The following PTCHD4 variants were observed in gnomAD, a reference collection of about 807,000 sequenced individuals.
The protein encoded by PTCHD4 is patched domain containing 4, also known as patched domain-containing protein 4.
A neutral mutation model predicts 58.1 loss-of-function variants in PTCHD4; 33 were observed. That is an observed-to-expected ratio of 0.57 (90% CI 0.43 to 0.76). The LOEUF (loss-of-function observed/expected upper bound fraction) is 0.76. Ranked by LOEUF, PTCHD4 falls within the 30% of genes least tolerant of loss-of-function variation. The pLI is 0.00. For missense variants in PTCHD4, 1,058 were observed against 1,027.1 expected, an observed-to-expected ratio of 1.03 and a Z score of -0.41; for synonymous variants, 478 against 409.6, an observed-to-expected ratio of 1.17 and a Z score of -2.02.
intron 4 of PTCHD4, among the ~76,000 whole-genome samples, chr6:47,930,402 A>G (rs1469226705): frequency 6.6e-6 from 1 of 152,198 alleles, no homozygotes; most frequent in Non-Finnish European, 1.5e-5. Flanking sequence ...TAAATTCCCA[A>G]AATAAAGTTC....
intron 4 of PTCHD4, among the ~76,000 whole-genome samples, chr6:47,938,186 G>A (rs1766079953): frequency 6.6e-6 from 1 of 152,052 alleles, no homozygotes. Flanking sequence ...ATTTCAGAGA[G>A]GAGGGACTGA....
At chr6:47,912,398 A>G (rs1057494306) in intron 4 of PTCHD4, among the ~76,000 whole-genome samples, 2 of 151,994 alleles carry the variant, frequency 1.3e-5, no homozygotes, top group Non-Finnish European at 2.9e-5. Context: ...TGACATTTTG[A>G]GTAGGAGAAT....
intron 4 of PTCHD4, among the ~76,000 whole-genome samples, chr6:47,992,018 A>G (rs1768297353): frequency 6.6e-6 from 1 of 152,120 alleles, no homozygotes; most frequent in African/African-American, 2.4e-5. Context: ...TTTCTCCACT[A>G]AGAGATAAAA....
intron 4 of PTCHD4, among the ~76,000 whole-genome samples, chr6:47,986,738 A>C (rs938796678): frequency 6.6e-6 from 1 of 152,202 alleles, no homozygotes; most frequent in Admixed American, 6.5e-5. Flanking sequence ...ATATTTTTGA[A>C]CAGTAAATTG....
chr6:48,045,880 G>A (rs1380693193), intron 3 of PTCHD4, among the ~76,000 whole-genome samples: 1 of 151,378 alleles, frequency 6.6e-6, no homozygotes, highest in African/African-American at 2.4e-5. Flanking sequence ...GTATATAAGG[G>A]ATCCTCACTG....
intron 4 of PTCHD4, among the ~76,000 whole-genome samples, chr6:47,880,340 T>C (rs1335577494): frequency 3.9e-5 from 6 of 152,202 alleles, no homozygotes; most frequent in African/African-American, 9.6e-5. Context: ...GGTTAACTGA[T>C]TCATTGACTG....
chr6:48,047,644 G>T (rs1764083215), intron 3 of PTCHD4, among the ~76,000 whole-genome samples: 1 of 151,706 alleles, frequency 6.6e-6, no homozygotes, highest in Non-Finnish European at 1.5e-5. Context: ...TTTGAAGGTG[G>T]GGCCTTTGGG....
rs1352365770 is a variant in PTCHD4, at chr6:47,873,062, G to A, written c.*5241C>T. Among the ~76,000 whole-genome samples, 1 of 151,632 alleles carries A rather than the reference G, an allele frequency of 6.6e-6. No individual in the cohort carries two copies. Among genetic ancestry groups the A allele is most frequent in the Non-Finnish European group, 1.5e-5 (1 of 67,740 alleles). ...CTTACTTTAAGCTTCTTTACAAAGA[G>A]TCTCCCTAGCTTTTCACTTTCACTA... On this transcript the variant is annotated 3_prime_UTR_variant, in exon 5 of 5. Transcript: ENST00000339488.
chr6:48,075,534 A>C, intron 1 of PTCHD4, among the ~76,000 whole-genome samples: 1 of 151,770 alleles, frequency 6.6e-6, no homozygotes, highest in Non-Finnish European at 1.5e-5. Context: ...TAAACCTTAG[A>C]TTCATATGTA....
chr6:47,884,149 C>T (rs1764109534), intron 4 of PTCHD4, among the ~76,000 whole-genome samples: 1 of 151,738 alleles, frequency 6.6e-6, no homozygotes, highest in Non-Finnish European at 1.5e-5. Flanking sequence ...TGTATCTACC[C>T]ATCTGTTCAG....
chr6:48,107,495 C>T (rs1234134517), intron 1 of PTCHD4, among the ~76,000 whole-genome samples: 1 of 152,084 alleles, frequency 6.6e-6, no homozygotes, highest in Admixed American at 6.6e-5. Flanking sequence ...ACCATAAAAA[C>T]CCTAGAAGAA....
chr6:47,875,551 G>A lies in PTCHD4; in HGVS notation c.*2752C>T, dbSNP rs12664841. The stretch of plus-strand genomic sequence containing the variant: ...TCCATTTCAGTAAATTATTGCTACA[G>A]TTCTCTAAAGAGTACTACGGTGTCC... On this transcript the variant is annotated 3_prime_UTR_variant, in exon 5 of 5. Transcript: ENST00000339488. 0.52 allele frequency among the ~76,000 whole-genome samples: 78,178 copies of A among 151,516 alleles called. 20,758 individuals carry two copies. Among genetic ancestry groups the A allele is most frequent in the East Asian group, 0.75 (3,829 of 5,114 alleles).
chr6:48,108,344 C>A (rs1254050945), intron 1 of PTCHD4, among the ~76,000 whole-genome samples: 2 of 151,882 alleles, frequency 1.3e-5, no homozygotes, highest in African/African-American at 2.4e-5. Context: ...AGCAAACTAT[C>A]GCAAGGACAA....
intron 3 of PTCHD4, among the ~76,000 whole-genome samples, chr6:48,038,364 G>T (rs1447898782): frequency 6.6e-6 from 1 of 152,036 alleles, no homozygotes; most frequent in Non-Finnish European, 1.5e-5. Flanking sequence ...TCTAGAGGCT[G>T]CATGTGGCAG....
chr6:48,022,539 A>G (rs1476758024), intron 3 of PTCHD4, among the ~76,000 whole-genome samples: 2 of 152,134 alleles, frequency 1.3e-5, no homozygotes, highest in African/African-American at 4.8e-5. Flanking sequence ...TAATAAAGCC[A>G]AGAAAGTAAG....
At chr6:47,928,209 TA>T (rs1023845766) in intron 4 of PTCHD4, among the ~76,000 whole-genome samples, 1 of 152,070 alleles carries the variant, frequency 6.6e-6, no homozygotes, top group African/African-American at 2.4e-5. Context: ...CCTAAGGCAG[TA>T]AAAAAAGCCT....
intron 4 of PTCHD4, among the ~76,000 whole-genome samples, chr6:47,934,117 G>C (rs956965924): frequency 4.5e-4 from 68 of 152,176 alleles, no homozygotes; most frequent in African/African-American, 1.6e-3. Flanking sequence ...CAGGTGGGAG[G>C]GGGTCCCAGG....
chr6:48,029,342 T>C (rs1166683084), intron 3 of PTCHD4, among the ~76,000 whole-genome samples: 1 of 152,046 alleles, frequency 6.6e-6, no homozygotes. Flanking sequence ...GACAAATCTC[T>C]GATAACATTG....
At chr6:48,059,268 C>T (rs1477166874) in intron 3 of PTCHD4, among the ~76,000 whole-genome samples, 2 of 152,148 alleles carry the variant, frequency 1.3e-5, no homozygotes, top group African/African-American at 4.8e-5. Context: ...ATGAGAAGTA[C>T]TGCCTAAGGT....
Sources: allele counts gnomAD v4.1 joint callset (sites outside exome capture counted in the v4.1 genomes callset), GRCh38; gene constraint gnomAD v4.1.1; transcripts MANE v1.5; gene names NCBI Gene and HGNC (gene_info 2026-07-23, HGNC 2026-07-21).